PDGFC: variants seen among roughly 807,000 people sequenced by gnomAD.
PDGFC encodes platelet-derived growth factor C.
Under a neutral mutation model 35.5 loss-of-function variants are expected in PDGFC, and 12 were observed. That is an observed-to-expected ratio of 0.34 (90% CI 0.22 to 0.55). PDGFC has a LOEUF of 0.55. Ranked by LOEUF, PDGFC falls within the 20% of genes least tolerant of loss-of-function variation. PDGFC has a pLI of 0.91. For missense variants in PDGFC, 322 were observed against 412.4 expected (o/e 0.78, Z 1.90); for synonymous variants, 159 against 148.8 (o/e 1.07, Z -0.50).
At chr4:156,795,416 T>C (rs529469791) in intron 3 of PDGFC, among the ~76,000 whole-genome samples, 25 of 152,242 alleles carry the variant, frequency 1.6e-4, no homozygotes, top group African/African-American at 5.1e-4. Context: ...CTGAAAGTCA[T>C]AATTGAGGCA....
intron 1 of PDGFC, among the ~76,000 whole-genome samples, chr4:156,932,268 A>C (rs1478531530): frequency 6.6e-6 from 1 of 152,134 alleles, no homozygotes; most frequent in African/African-American, 2.4e-5. Flanking sequence ...AGGAAGTATA[A>C]ACTCAGGAAC....
intron 1 of PDGFC, among the ~76,000 whole-genome samples, chr4:156,948,006 C>T (rs1731987715): frequency 1.3e-5 from 2 of 151,936 alleles, no homozygotes; most frequent in Admixed American, 6.6e-5. Flanking sequence ...ACGGTCTACA[C>T]ACACACTGTG....
intron 3 of PDGFC, among the ~76,000 whole-genome samples, chr4:156,805,151 A>G (rs533780037): frequency 6.6e-6 from 1 of 151,998 alleles, no homozygotes; most frequent in Non-Finnish European, 1.5e-5. Context: ...ATATTAAGCA[A>G]TTCTTAGCCA....
intron 1 of PDGFC, among the ~76,000 whole-genome samples, chr4:156,896,112 T>A (rs993960813): frequency 6.6e-6 from 1 of 152,150 alleles, no homozygotes; most frequent in Non-Finnish European, 1.5e-5. Flanking sequence ...ATTAAAGTGA[T>A]CAACACATCA....
intron 2 of PDGFC, among the ~76,000 whole-genome samples, chr4:156,821,203 GTGTGTGTGAA>G (rs1732248125): frequency 7.9e-5 from 12 of 151,528 alleles, no homozygotes; most frequent in African/African-American, 1.9e-4. Context: ...GTATGTGTGT[GTGTGTGTGAA>G]TGTGTGTGAG....
chr4:156,866,817 TA>T (rs202101609), intron 1 of PDGFC, among the ~76,000 whole-genome samples: 4,296 of 152,280 alleles, frequency 0.028, 224 homozygotes, highest in African/African-American at 0.098. Flanking sequence ...AATAGTATTG[TA>T]AATAGGTTCT....
At position 156,790,006 on chromosome 4, in the gene PDGFC, T is replaced by C. The variant is rs530097743; in HGVS notation, c.496-17113A>G. Among the ~76,000 whole-genome samples the C allele has an allele frequency of 1.0e-4, 13 of 128,012 alleles. No homozygotes were observed. In the South Asian group the frequency reaches 1.0e-3, roughly 10 times the overall value. 84.0% of individuals were successfully genotyped at this position (128,012 alleles called of 152,430 possible). A position where few individuals can be genotyped will look rare whatever the true frequency, so the allele number is the denominator to read the frequency against. On this transcript the variant is annotated intron_variant, in intron 3 of 5. Transcript: ENST00000502773. ...AAAAAAAAAAAAAAAAAAGAAAGAATACTTTGAGGAAACATAGTATCATGG... is the reference window on the plus strand; with the variant it reads ...AAAAAAAAAAAAAAAAAAGAAAGAACACTTTGAGGAAACATAGTATCATGG...
chr4:156,876,911 C>G (rs1349430074), intron 1 of PDGFC: 1 of 152,104 alleles, frequency 6.6e-6, no homozygotes, highest in Non-Finnish European at 1.5e-5. Flanking sequence ...CAATAACTTG[C>G]TCTCTTTCAA....
intron 2 of PDGFC, among the ~76,000 whole-genome samples, chr4:156,813,437 T>C (rs1731995685): frequency 6.6e-6 from 1 of 152,024 alleles, no homozygotes; most frequent in African/African-American, 2.4e-5. Context: ...TGTGGAATAG[T>C]AGAAGAAAGA....
Position 156,760,482 on chromosome 4 carries a change from T to G in PDGFC, c.*2608A>C, listed in dbSNP as rs1730349772. ...CATTTAAGGCTTGCTTTTATTTTAG[T>G]AAACATCACTGGGCAAAACAGCCCA... On this transcript the variant is annotated 3_prime_UTR_variant, in exon 6 of 6. Coordinates refer to ENST00000502773, the MANE Select transcript of PDGFC (RefSeq NM_016205.3). The G allele has an allele frequency of 6.6e-6, 1 of 152,236 alleles. No homozygotes were observed. The allele number at this position is 152,236 out of a possible 1,614,324, so 9.4% of individuals were successfully genotyped here. A position where few individuals can be genotyped will look rare whatever the true frequency, so the allele number is the denominator to read the frequency against.
At chr4:156,930,110 A>G (rs1731516561) in intron 1 of PDGFC, among the ~76,000 whole-genome samples, 1 of 152,214 alleles carries the variant, frequency 6.6e-6, no homozygotes, top group African/African-American at 2.4e-5. Context: ...CATCTCCCTT[A>G]TATGCCATTG....
At chr4:156,861,578 G>C (rs568185244) in intron 1 of PDGFC, 20 of 424,454 alleles carry the variant, frequency 4.7e-5, no homozygotes, top group African/African-American at 4.0e-4. Flanking sequence ...TTCAGATTTT[G>C]GAAGTTAAAA....
At chr4:156,908,564 A>G (rs1730970502) in intron 1 of PDGFC, among the ~76,000 whole-genome samples, 1 of 152,172 alleles carries the variant, frequency 6.6e-6, no homozygotes, top group African/African-American at 2.4e-5. Flanking sequence ...ACATTGGACA[A>G]AATAACCTAT....
chr4:156,822,726 T>C (rs1206542179), intron 2 of PDGFC, among the ~76,000 whole-genome samples: 1 of 152,090 alleles, frequency 6.6e-6, no homozygotes, highest in Admixed American at 6.6e-5. Context: ...AGCAGAAACC[T>C]TACTCTAAGC....
At chr4:156,879,154 C>A (rs1730184955) in intron 1 of PDGFC, among the ~76,000 whole-genome samples, 1 of 152,092 alleles carries the variant, frequency 6.6e-6, no homozygotes, top group Non-Finnish European at 1.5e-5. Context: ...CTGGGGGATT[C>A]TTTATTGCTC....
At chr4:156,780,722 C>A (rs1663109737) in intron 3 of PDGFC, among the ~76,000 whole-genome samples, 1 of 151,970 alleles carries the variant, frequency 6.6e-6, no homozygotes, top group South Asian at 2.1e-4. Context: ...ACTGAGAGGG[C>A]AACAGAAAAA....
chr4:156,901,138 T>C (rs1451046604), intron 1 of PDGFC, among the ~76,000 whole-genome samples: 1 of 152,166 alleles, frequency 6.6e-6, no homozygotes, highest in African/African-American at 2.4e-5. Flanking sequence ...GTATGTTTCT[T>C]AAAAATACTG....
chr4:156,901,330 G>A (rs1224207300), intron 1 of PDGFC, among the ~76,000 whole-genome samples: 3 of 152,096 alleles, frequency 2.0e-5, no homozygotes, highest in Non-Finnish European at 2.9e-5. Context: ...ACATGTAAAC[G>A]TCAGATTGGC....
At chr4:156,794,840 T>C (rs963275784) in intron 3 of PDGFC, among the ~76,000 whole-genome samples, 4 of 152,180 alleles carry the variant, frequency 2.6e-5, no homozygotes, top group African/African-American at 9.6e-5. Context: ...CTTGGATATA[T>C]ATATACCAAG....
Sources: gnomAD v4.1 joint callset for allele counts (sites outside exome capture counted in the v4.1 genomes callset) on GRCh38, gnomAD v4.1.1 for gene constraint, MANE v1.5 for transcripts, NCBI Gene and HGNC (gene_info 2026-07-23, HGNC 2026-07-21) for gene names.